The following OSBPL11 variants were observed in gnomAD, a reference collection of about 807,000 sequenced individuals.
OSBPL11 encodes the protein oxysterol-binding protein-related protein 11.
OSBPL11 carries 33 observed loss-of-function variants against 84.4 expected under a neutral mutation model. The ratio of observed to expected loss-of-function variants is 0.39; its 90% confidence interval spans 0.30 to 0.52. OSBPL11 has a LOEUF of 0.52. OSBPL11 is among the 20% of genes least tolerant of loss of function. The pLI, the probability that OSBPL11 is intolerant of heterozygous loss-of-function variation, is 0.72. For missense variants in OSBPL11, 736 were observed against 901.1 expected, an observed-to-expected ratio of 0.82 and a Z score of 2.35; for synonymous variants, 276 against 310.2, an observed-to-expected ratio of 0.89 and a Z score of 1.16.
intron 10 of OSBPL11, among the ~76,000 whole-genome samples, chr3:125,540,582 T>C (rs1935715003): frequency 6.6e-6 from 1 of 152,152 alleles, no homozygotes; most frequent in South Asian, 2.1e-4. Flanking sequence ...TTTATCTCTA[T>C]CAAACAGGAT....
intron 8 of OSBPL11, among the ~76,000 whole-genome samples, chr3:125,553,706 C>G (rs895175995): frequency 3.3e-5 from 5 of 152,168 alleles, no homozygotes; most frequent in African/African-American, 1.2e-4. Flanking sequence ...AACTACGGTT[C>G]TAGCTAACTG....
intron 7 of OSBPL11, among the ~76,000 whole-genome samples, chr3:125,562,642 G>T (rs1261924506): frequency 6.6e-6 from 1 of 152,000 alleles, no homozygotes; most frequent in African/African-American, 2.4e-5. Flanking sequence ...AAAAATAGGA[G>T]AAGGCCGGGT....
At position 125,530,333 on chromosome 3, in the gene OSBPL11, T is replaced by C. The variant is rs1291930062; in HGVS notation, c.*182A>G. Reference sequence around the variant, plus strand: ...ATGAACAGGTTGGTAAAAGGTCCACTGTGTTTCTTTACCACTTTGGTCTTG... The same window carrying C: ...ATGAACAGGTTGGTAAAAGGTCCACCGTGTTTCTTTACCACTTTGGTCTTG... On this transcript the variant is annotated 3_prime_UTR_variant, in exon 13 of 13. Coordinates refer to ENST00000296220, the MANE Select transcript of OSBPL11 (RefSeq NM_022776.5). 6.4e-6 allele frequency: 4 copies of C among 620,410 alleles called. No individual in the cohort carries two copies. The highest frequency in any genetic ancestry group is 1.2e-5 in the Non-Finnish European group (4 of 343,512). The allele number at this position is 620,410 out of a possible 1,614,324, so 38.4% of individuals were successfully genotyped here.
intron 4 of OSBPL11, among the ~76,000 whole-genome samples, chr3:125,578,165 T>C (rs1270155448): frequency 6.6e-6 from 1 of 152,162 alleles, no homozygotes; most frequent in African/African-American, 2.4e-5. Context: ...AGTATATCTA[T>C]ACAATAAAAT....
chr3:125,576,070 A>G (rs2107607086), intron 5 of OSBPL11, 119 bp downstream of exon 5: 1 of 851,502 alleles, frequency 1.2e-6, no homozygotes, highest in South Asian at 1.7e-5. Flanking sequence ...ATCTCAGCAT[A>G]CTAGATAGGA....
chr3:125,558,446 T>C (rs980248650), intron 8 of OSBPL11, among the ~76,000 whole-genome samples: 3 of 152,238 alleles, frequency 2.0e-5, no homozygotes, highest in South Asian at 4.1e-4. Flanking sequence ...GAAAGCTTTA[T>C]GGGTTTCTTT....
Position 125,595,266 on chromosome 3 carries a change from G to C in OSBPL11, c.-466C>G, listed in dbSNP as rs1936665961. 6.6e-6 allele frequency among the ~76,000 whole-genome samples: 1 copy of C among 152,272 alleles called. No individual in the cohort carries two copies. Among genetic ancestry groups the C allele is most frequent in the South Asian group, 2.1e-4 (1 of 4,822 alleles). On this transcript the variant is annotated 5_prime_UTR_variant, in exon 1 of 13. Coordinates refer to ENST00000296220, the MANE Select transcript of OSBPL11 (RefSeq NM_022776.5). ...CAGTGCGTCCAGTCAAGCCCGCTCG[G>C]CAGTTCCCGCCGCAGCCCCCGAGAT...
chr3:125,594,396 T>C (rs1936647971), intron 1 of OSBPL11, among the ~76,000 whole-genome samples: 1 of 152,210 alleles, frequency 6.6e-6, no homozygotes, highest in South Asian at 2.1e-4. Flanking sequence ...TCTCTGACTG[T>C]AGAGGAAGTT....
At chr3:125,555,215 G>A (rs933190545) in intron 8 of OSBPL11, among the ~76,000 whole-genome samples, 12 of 152,068 alleles carry the variant, frequency 7.9e-5, no homozygotes, top group African/African-American at 2.4e-4. Flanking sequence ...CAAGTTCTTC[G>A]CTTTTGGACT....
intron 11 of OSBPL11, among the ~76,000 whole-genome samples, chr3:125,538,224 A>G (rs1340724729): frequency 6.6e-6 from 1 of 152,162 alleles, no homozygotes; most frequent in Non-Finnish European, 1.5e-5. Flanking sequence ...AATGTTTTTA[A>G]TATTTTTGCT....
rs527921716 is a variant in OSBPL11, at chr3:125,530,493, G to T, written c.*22C>A. On this transcript the variant is annotated 3_prime_UTR_variant, in exon 13 of 13. Coordinates refer to ENST00000296220, the MANE Select transcript of OSBPL11 (RefSeq NM_022776.5). ...GGTAAACAGAGAAGAACCTCATTTG[G>T]TCGAGTTTTAGATAGTATGTGTCAC... is the stretch of plus-strand genomic sequence containing the variant. 3.7e-6 allele frequency: 6 copies of T among 1,606,174 alleles called. No homozygotes were observed. In the African/African-American group the frequency reaches 8.0e-5, roughly 21 times the overall value.
chr3:125,534,681 A>T (rs1371310512), intron 11 of OSBPL11, among the ~76,000 whole-genome samples: 2 of 151,844 alleles, frequency 1.3e-5, no homozygotes, highest in Non-Finnish European at 2.9e-5. Context: ...TCAGAGGAAA[A>T]TTTACAGCAT....
At position 125,547,308 on chromosome 3, in the gene OSBPL11, C is replaced by G. The variant is rs1935834504; in HGVS notation, c.1841+98G>C. On this transcript the variant is annotated intron_variant, in intron 10 of 12. Coordinates refer to ENST00000296220, the MANE Select transcript of OSBPL11 (RefSeq NM_022776.5). ...ATAAGAAATAAACATTAATACAAAT[C>G]CAACTTCACATAGAACAGAGCAGAA... 4 of 991,980 alleles carry G rather than the reference C, an allele frequency of 4.0e-6. No individual in the cohort carries two copies. The East Asian group carries it at 1.1e-4, about 26-fold the overall frequency. 61.4% of individuals were successfully genotyped at this position (991,980 alleles called of 1,614,324 possible). A position where few individuals can be genotyped will look rare whatever the true frequency, so the allele number is the denominator to read the frequency against.
chr3:125,551,216 GA>G (rs944228571), intron 9 of OSBPL11, among the ~76,000 whole-genome samples: 3 of 143,520 alleles, frequency 2.1e-5, no homozygotes, highest in African/African-American at 7.7e-5. Context: ...AAAAAGGATG[GA>G]AAATCTATTT....
At chr3:125,539,072 A>T (rs190918854) in intron 10 of OSBPL11, among the ~76,000 whole-genome samples, 8 of 151,902 alleles carry the variant, frequency 5.3e-5, no homozygotes, top group Non-Finnish European at 1.0e-4. Flanking sequence ...AGTTCTGCAT[A>T]CATCAATCCC....
At chr3:125,558,179 T>G (rs1936020497) in intron 8 of OSBPL11, among the ~76,000 whole-genome samples, 1 of 152,214 alleles carries the variant, frequency 6.6e-6, no homozygotes, top group Non-Finnish European at 1.5e-5. Context: ...ACTTCTACCA[T>G]GTGGATTACT....
Position 125,538,540 on chromosome 3 carries a change from A to G in OSBPL11, c.1935T>C (p.Asn645=), listed in dbSNP as rs1935676602. 2 of 1,613,936 alleles carry G rather than the reference A, an allele frequency of 1.2e-6. No individual in the cohort carries two copies. Among genetic ancestry groups the G allele is most frequent in the African/African-American group, 1.3e-5 (1 of 74,906 alleles). The change falls in exon 11 of 13, where the codon AAT becomes AAC. Residue 645 remains asparagine (N), a synonymous_variant. Coordinates refer to ENST00000296220, the MANE Select transcript of OSBPL11 (RefSeq NM_022776.5). The part of the protein sequence containing the change: ...WNSVLEFTYS[N]GETKYVDLTK... ...TCAAGTCCACATACTTTGTCTCTCC[A>G]TTGCTATATGTGAACTCAAGAACAC...
intron 1 of OSBPL11, among the ~76,000 whole-genome samples, chr3:125,592,829 G>GA (rs199542270): frequency 0.011 from 1,633 of 148,610 alleles, 36 homozygotes; most frequent in African/African-American, 0.038. Context: ...TTTCACAAAA[G>GA]AAAAAAAAAT....
At chr3:125,535,907 C>CG (rs1935634469) in intron 11 of OSBPL11, among the ~76,000 whole-genome samples, 1 of 151,258 alleles carries the variant, frequency 6.6e-6, no homozygotes, top group Non-Finnish European at 1.5e-5. Context: ...CCGAGGTGGG[C>CG]GGATCACCTG....
Sources: gnomAD v4.1 joint callset for allele counts (sites outside exome capture counted in the v4.1 genomes callset) on GRCh38, gnomAD v4.1.1 for gene constraint, MANE v1.5 for transcripts, NCBI Gene and HGNC (gene_info 2026-07-23, HGNC 2026-07-21) for gene names.